The following ZNF385B variants were observed in gnomAD, a reference collection of about 807,000 sequenced individuals.
ZNF385B encodes the protein zinc finger protein 385B.
In ZNF385B, 23 loss-of-function variants were observed where a neutral mutation model predicts 39.2. The ratio of observed to expected loss-of-function variants is 0.59; its 90% confidence interval spans 0.42 to 0.83. The LOEUF is 0.83. Among genes scored for constraint, ZNF385B ranks in the 40% least tolerant of loss-of-function variants. ZNF385B has a pLI of 0.00. For synonymous variants in ZNF385B, 205 were observed against 222.6 expected (o/e 0.92, Z 0.70); for missense variants, 552 against 598.9 (o/e 0.92, Z 0.82).
intron 1 of ZNF385B, among the ~76,000 whole-genome samples, chr2:179,787,372 C>T (rs955359967): frequency 3.3e-5 from 5 of 151,870 alleles, no homozygotes; most frequent in Non-Finnish European, 5.9e-5. Context: ...TAGTTTTAAA[C>T]ATGGTACGTA....
At chr2:179,503,875 A>T (rs80295977) in intron 5 of ZNF385B, among the ~76,000 whole-genome samples, 115 of 101,996 alleles carry the variant, frequency 1.1e-3, no homozygotes, top group Non-Finnish European at 1.2e-3. Context: ...TTTTTTTTTC[A>T]TTCTTTTTTT....
intron 3 of ZNF385B, among the ~76,000 whole-genome samples, chr2:179,687,077 A>C (rs1030026059): frequency 6.6e-6 from 1 of 151,610 alleles, no homozygotes; most frequent in Admixed American, 6.6e-5. Flanking sequence ...TTTCAACTGA[A>C]TGCAGTATAC....
chr2:179,581,645 T>C (rs1686531397), intron 3 of ZNF385B, among the ~76,000 whole-genome samples: 1 of 152,214 alleles, frequency 6.6e-6, no homozygotes, highest in Admixed American at 6.5e-5. Flanking sequence ...CTAGTTGTCT[T>C]TCCAATCTCC....
intron 1 of ZNF385B, among the ~76,000 whole-genome samples, chr2:179,835,701 C>G (rs986529001): frequency 2.6e-5 from 4 of 151,858 alleles, no homozygotes; most frequent in African/African-American, 9.7e-5. Context: ...TTGTTCTTTC[C>G]TGGAACTGGT....
chr2:179,848,922 C>T (rs1190776119), intron 1 of ZNF385B, among the ~76,000 whole-genome samples: 1 of 152,170 alleles, frequency 6.6e-6, no homozygotes, highest in East Asian at 1.9e-4. Flanking sequence ...CAAATAATAG[C>T]AGCTATCGTT....
intron 1 of ZNF385B, among the ~76,000 whole-genome samples, chr2:179,845,302 G>A (rs141066361): frequency 8.4e-4 from 128 of 152,270 alleles, no homozygotes; most frequent in African/African-American, 3.0e-3. Context: ...GAAGAAGGGT[G>A]AGGGGATATA....
chr2:179,599,094 A>T (rs1042786908), intron 3 of ZNF385B, among the ~76,000 whole-genome samples: 16 of 152,226 alleles, frequency 1.1e-4, no homozygotes, highest in African/African-American at 3.9e-4. Flanking sequence ...TCAATGATAG[A>T]TTGCATATAC....
chr2:179,489,947 A>T (rs932908629), intron 5 of ZNF385B, among the ~76,000 whole-genome samples: 1 of 152,258 alleles, frequency 6.6e-6, no homozygotes, highest in Non-Finnish European at 1.5e-5. Context: ...ATTTATAGCT[A>T]GTGAAACGCT....
intron 3 of ZNF385B, among the ~76,000 whole-genome samples, chr2:179,602,015 T>C (rs1350219402): frequency 1.3e-5 from 2 of 152,170 alleles, no homozygotes; most frequent in Non-Finnish European, 2.9e-5. Context: ...TCTCATCACA[T>C]TGATGGGAAA....
At chr2:179,817,797 G>A (rs996270870) in intron 1 of ZNF385B, among the ~76,000 whole-genome samples, 3 of 152,130 alleles carry the variant, frequency 2.0e-5, no homozygotes, top group African/African-American at 7.2e-5. Flanking sequence ...GTCTGTGTGT[G>A]TGCATGCATG....
Position 179,815,599 on chromosome 2 carries a change from A to G in ZNF385B, c.-154-44927T>C, listed in dbSNP as rs1167075886. Among the ~76,000 whole-genome samples the G allele has an allele frequency of 4.6e-5, 7 of 152,184 alleles. 1 individual carries two copies. The highest frequency in any genetic ancestry group is 1.2e-4 in the African/African-American group (5 of 41,436). ...TTTACCAGAGAACAATTCTTTTAAC[A>G]TGTCTATGCCATATCTTGATTGATT... is the stretch of plus-strand genomic sequence containing the variant. On this transcript the variant is annotated intron_variant, in intron 1 of 9. Transcript: ENST00000410066.
At chr2:179,448,677 G>A (rs1336977406) in intron 6 of ZNF385B, among the ~76,000 whole-genome samples, 1 of 152,060 alleles carries the variant, frequency 6.6e-6, no homozygotes, top group African/African-American at 2.4e-5. Flanking sequence ...TGAGGAAACT[G>A]AGCCTTTTCA....
chr2:179,613,168 T>A (rs1477464424), intron 3 of ZNF385B, among the ~76,000 whole-genome samples: 1 of 152,146 alleles, frequency 6.6e-6, no homozygotes, highest in Non-Finnish European at 1.5e-5. Context: ...GGTCCAGAAA[T>A]GCTTTTCCAG....
intron 3 of ZNF385B, among the ~76,000 whole-genome samples, chr2:179,697,656 A>G (rs540645483): frequency 6.6e-6 from 1 of 152,334 alleles, no homozygotes; most frequent in East Asian, 1.9e-4. Context: ...TGCCTGTGCT[A>G]TCTGATCCCT....
intron 3 of ZNF385B, among the ~76,000 whole-genome samples, chr2:179,642,995 CT>C (rs1381218383): frequency 6.6e-6 from 1 of 152,080 alleles, no homozygotes; most frequent in African/African-American, 2.4e-5. Flanking sequence ...GACCTAGATC[CT>C]TTTCTGATAG....
intron 1 of ZNF385B, among the ~76,000 whole-genome samples, chr2:179,848,897 A>C (rs1708937887): frequency 6.6e-6 from 1 of 152,226 alleles, no homozygotes; most frequent in Non-Finnish European, 1.5e-5. Flanking sequence ...ATAAAAAAAG[A>C]GAGGGGACTA....
intron 5 of ZNF385B, among the ~76,000 whole-genome samples, chr2:179,502,449 G>A (rs2056851574): frequency 6.6e-6 from 1 of 152,142 alleles, no homozygotes; most frequent in South Asian, 2.1e-4. Flanking sequence ...AATCTTGGGG[G>A]CGGACTTCTC....
At chr2:179,829,633 C>A (rs895311281) in intron 1 of ZNF385B, among the ~76,000 whole-genome samples, 1 of 152,128 alleles carries the variant, frequency 6.6e-6, no homozygotes, top group Non-Finnish European at 1.5e-5. Flanking sequence ...CCTGCCTCAG[C>A]CTCCCAAGTA....
chr2:179,786,291 A>G (rs896903042), intron 1 of ZNF385B, among the ~76,000 whole-genome samples: 1 of 152,124 alleles, frequency 6.6e-6, no homozygotes, highest in Non-Finnish European at 1.5e-5. Context: ...CTGGAATCCA[A>G]CCCATGATAT....
Sources: gnomAD v4.1 joint callset for allele counts (sites outside exome capture counted in the v4.1 genomes callset) on GRCh38, gnomAD v4.1.1 for gene constraint, MANE v1.5 for transcripts, NCBI Gene and HGNC (gene_info 2026-07-23, HGNC 2026-07-21) for gene names.